Variants in RHOT1 observed in about 807,000 individuals in gnomAD.
RHOT1 encodes mitochondrial Rho GTPase 1.
RHOT1 carries 27 observed loss-of-function variants against 95.3 expected under a neutral mutation model. That is an observed-to-expected ratio of 0.28 (90% confidence interval 0.21 to 0.39). The LOEUF (loss-of-function observed/expected upper bound fraction) is 0.39, where lower values mean the gene tolerates loss of function less well. Among genes scored for constraint, RHOT1 ranks in the 10% least tolerant of loss-of-function variants. The pLI is 1.00. For synonymous variants in RHOT1, 227 were observed against 263.5 expected, an observed-to-expected ratio of 0.86 and a Z score of 1.34; for missense variants, 578 against 786.7, an observed-to-expected ratio of 0.73 and a Z score of 3.17.
At chr17:32,209,519 C>T (rs2037983109) in intron 18 of RHOT1, 1 of 890,776 alleles carries the variant, frequency 1.1e-6, no homozygotes, top group Non-Finnish European at 1.8e-6. Flanking sequence ...AATCTCCTTT[C>T]TTGCCATAAT....
chr17:32,194,357 A>G (rs1276431325), intron 11 of RHOT1, among the ~76,000 whole-genome samples: 4 of 152,208 alleles, frequency 2.6e-5, no homozygotes, highest in African/African-American at 9.6e-5. Flanking sequence ...CTAATTGGGA[A>G]TATTTTAGAA....
chr17:32,213,932 C>T (rs1280343389), intron 19 of RHOT1, among the ~76,000 whole-genome samples: 1 of 151,952 alleles, frequency 6.6e-6, no homozygotes, highest in Non-Finnish European at 1.5e-5. Flanking sequence ...ACGTTTCGGT[C>T]ATATCTATTT....
intron 16 of RHOT1, 68 bp downstream of exon 16, chr17:32,204,041 C>G: frequency 9.2e-7 from 1 of 1,090,076 alleles, no homozygotes; most frequent in Non-Finnish European, 1.4e-6. Context: ...TCTTTGAAAA[C>G]AAATTGGCTT....
chr17:32,146,629 T>A (rs1053951151), intron 1 of RHOT1, among the ~76,000 whole-genome samples: 11 of 148,264 alleles, frequency 7.4e-5, no homozygotes, highest in African/African-American at 2.0e-4. Context: ...TTTTTTTTTT[T>A]TTGTATTTTT....
rs1317036989 is a variant in RHOT1 at position 32,199,026 on chromosome 17, G to A, written c.949G>A (p.Asp317Asn). Reference protein sequence around the residue: ...LFLQSTFDKHDLDRDCALSPD... With the variant: ...LFLQSTFDKHNLDRDCALSPD... ...TCTCCAAAGCACCTTTGACAAGCAT[G>A]ATTTGGTAAGCCTTTAGCTGTAATT... The change falls in exon 12 of 20, where the codon GAT becomes AAT. Residue 317 changes from aspartate (D) to asparagine (N), a missense_variant. Coordinates refer to ENST00000545287, the MANE Select transcript of RHOT1 (RefSeq NM_001033566.3). 1.1e-5 allele frequency: 18 copies of A among 1,599,312 alleles called. No homozygotes were observed. Among genetic ancestry groups the A allele is most frequent in the Non-Finnish European group, 1.5e-5 (18 of 1,167,076 alleles).
At chr17:32,169,920 A>C (rs1243415180) in intron 1 of RHOT1, among the ~76,000 whole-genome samples, 1 of 151,952 alleles carries the variant, frequency 6.6e-6, no homozygotes, top group Non-Finnish European at 1.5e-5. Context: ...GAGGTGGGAG[A>C]ATCACCCAAG....
At chr17:32,198,784 A>G (rs528023607) in intron 11 of RHOT1, among the ~76,000 whole-genome samples, 163 bp from the exon 12 acceptor site, 75 of 152,238 alleles carry the variant, frequency 4.9e-4, no homozygotes, top group Non-Finnish European at 7.2e-4. Context: ...AAGAGTGCCA[A>G]AATCACTCCA....
At chr17:32,164,174 A>G (rs1162458710) in intron 1 of RHOT1, among the ~76,000 whole-genome samples, 1 of 152,202 alleles carries the variant, frequency 6.6e-6, no homozygotes, top group Non-Finnish European at 1.5e-5. Context: ...TTATCAAAGG[A>G]TGAAAGAATG....
At chr17:32,147,689 G>A (rs942703263) in intron 1 of RHOT1, among the ~76,000 whole-genome samples, 2 of 151,894 alleles carry the variant, frequency 1.3e-5, no homozygotes, top group African/African-American at 2.4e-5. Context: ...GCATGGTGGC[G>A]TGTGACTGTA....
chr17:32,192,359 A>G, intron 9 of RHOT1, 60 bp downstream of exon 9: 1 of 898,880 alleles, frequency 1.1e-6, no homozygotes, highest in Non-Finnish European at 1.8e-6. Context: ...TTTTTGCTGA[A>G]AGCTGTAAAA....
At chr17:32,193,926 G>T in intron 10 of RHOT1, 61 bp from the exon 11 acceptor site, 1 of 1,578,804 alleles carries the variant, frequency 6.3e-7, no homozygotes, top group Non-Finnish European at 8.6e-7. Flanking sequence ...TTGCCATTAT[G>T]TTACATGCTT....
chr17:32,170,288 G>A (rs1299941832), intron 1 of RHOT1, among the ~76,000 whole-genome samples: 1 of 152,008 alleles, frequency 6.6e-6, no homozygotes, highest in African/African-American at 2.4e-5. Context: ...GGTGACACAT[G>A]CCTATAATCC....
intron 1 of RHOT1, among the ~76,000 whole-genome samples, chr17:32,164,883 G>T (rs943792671): frequency 3.3e-5 from 5 of 151,270 alleles, no homozygotes; most frequent in Non-Finnish European, 4.4e-5. Context: ...AATAAGCTGG[G>T]TGTGGTGGCT....
intron 18 of RHOT1, chr17:32,209,505 A>G: frequency 1.0e-6 from 1 of 996,958 alleles, no homozygotes. Flanking sequence ...TTAGAGAATG[A>G]CCAAATCTCC....
chr17:32,149,627 A>ATGTGTGTGTGTGTGTGTGTGTG (rs1488563031), intron 1 of RHOT1, among the ~76,000 whole-genome samples: 10 of 87,194 alleles, frequency 1.1e-4, no homozygotes, highest in Admixed American at 3.3e-4. Context: ...ATATATATAT[A>ATGTGTGTGTGTGTGTGTGTGTG]TATATATATG....
At chr17:32,191,992 G>A (rs1479446046) in intron 8 of RHOT1, among the ~76,000 whole-genome samples, 1 of 152,128 alleles carries the variant, frequency 6.6e-6, no homozygotes, top group East Asian at 1.9e-4. Context: ...TGGTCTTAAG[G>A]GGAGAGCTTG....
At chr17:32,212,502 A>G (rs2038200181) in intron 19 of RHOT1, among the ~76,000 whole-genome samples, 1 of 152,142 alleles carries the variant, frequency 6.6e-6, no homozygotes, top group Non-Finnish European at 1.5e-5. Flanking sequence ...AGTTCAAACC[A>G]AACAACACTC....
At chr17:32,209,557 A>G (rs1648846688) in intron 18 of RHOT1, 2 of 635,368 alleles carry the variant, frequency 3.1e-6, no homozygotes, top group South Asian at 4.1e-5. Flanking sequence ...GTAGAAACGC[A>G]CTGCTTGGTC....
In RHOT1 at chr17:32,163,715, G is replaced by A. The variant is rs188758132; in HGVS notation, c.38-7328G>A. ...ACTGCACTCCAGCTTGGGTGACAGA[G>A]CAAGACTCCATCTCAAAAAAAAAGA... On this transcript the variant is annotated intron_variant, in intron 1 of 19. Coordinates refer to ENST00000545287, the MANE Select transcript of RHOT1 (RefSeq NM_001033566.3). Among the ~76,000 whole-genome samples the A allele has an allele frequency of 3.4e-3, 521 of 151,076 alleles. 5 individuals are homozygous for A. The highest frequency in any genetic ancestry group is 0.012 in the African/African-American group (484 of 41,102).
Sources: allele counts gnomAD v4.1 joint callset (sites outside exome capture counted in the v4.1 genomes callset), GRCh38; gene constraint gnomAD v4.1.1; transcripts MANE v1.5; gene names NCBI Gene and HGNC (gene_info 2026-07-23, HGNC 2026-07-21).